BRD9: variants seen among roughly 807,000 people sequenced by gnomAD.
The protein encoded by BRD9 is bromodomain-containing protein 9.
BRD9 carries 47 observed loss-of-function variants against 68.7 expected under a neutral mutation model. The observed-to-expected ratio is 0.68, with a 90% CI of 0.54 to 0.87. The LOEUF (loss-of-function observed/expected upper bound fraction) is 0.87, where lower values mean the gene tolerates loss of function less well. BRD9 is among the 40% of genes least tolerant of loss of function. The probability of loss-of-function intolerance (pLI) is 0.00; values close to 1 mark genes in which losing one functional copy is unlikely to be tolerated. For missense variants in BRD9, 670 were observed against 748.4 expected (o/e 0.90, Z 1.22); for synonymous variants, 313 against 293.9 (o/e 1.06, Z -0.67).
chr5:865,569 T>C lies in BRD9; in HGVS notation c.1538A>G (p.Lys513Arg). 1 of 1,600,312 alleles carries C rather than the reference T, an allele frequency of 6.2e-7. No homozygotes were observed. Among genetic ancestry groups the C allele is most frequent in the Non-Finnish European group, 8.5e-7 (1 of 1,176,952 alleles). Reference sequence around the variant, plus strand: ...ATGGCTGTCGTCAGGGTCCAGCTCCTTCTTCACCTTCCCTGTGTAAACAGG... The same window carrying C: ...ATGGCTGTCGTCAGGGTCCAGCTCCCTCTTCACCTTCCCTGTGTAAACAGG... ...SMLSSLGKVK[K>R]ELDPDDSHLN... Residue 513 changes from lysine (K) to arginine (R), a missense_variant, in exon 15 of 16, where the codon AAG becomes AGG. Around this residue, in one of 5 missense-constraint regions of BRD9, gnomAD observed 280 missense variants for 281.5 expected, o/e 0.99. Transcript: ENST00000467963.
At position 883,614 on chromosome 5, in the gene BRD9, C is replaced by T. The variant is rs186311945; in HGVS notation, c.966+324G>A. On this transcript the variant is annotated intron_variant, in intron 8 of 15. Transcript: ENST00000467963. ...ACAAGGGCGGTGCCTCACGTCAACACCCAGTGACAGAGACACAGAAGTCAG... is the reference window on the plus strand; with the variant it reads ...ACAAGGGCGGTGCCTCACGTCAACATCCAGTGACAGAGACACAGAAGTCAG... 14 of 435,492 alleles carry T rather than the reference C, an allele frequency of 3.2e-5. No homozygotes were observed. In the East Asian group the frequency reaches 3.5e-4, roughly 11 times the overall value. The allele number at this position is 435,492 out of a possible 1,614,324, so 27.0% of individuals were successfully genotyped here. A position where few individuals can be genotyped will look rare whatever the true frequency, so the allele number is the denominator to read the frequency against.
At position 870,485 on chromosome 5, in the gene BRD9, G is replaced by A; in HGVS notation, c.1513C>T (p.Leu505Phe). The A allele has an allele frequency of 6.2e-7, 1 of 1,613,634 alleles. No individual in the cohort carries two copies. The highest frequency in any genetic ancestry group is 8.5e-7 in the Non-Finnish European group (1 of 1,179,518). ...YPDVSVDISM[L>F]SSLGKVKKEL... ...TGTTACAACTCACCCAGAGAGCTGAGCATGGAGATATCCACAGAAACGTCG... is the reference window on the plus strand; with the variant it reads ...TGTTACAACTCACCCAGAGAGCTGAACATGGAGATATCCACAGAAACGTCG... Residue 505 changes from leucine (L) to phenylalanine (F), a missense_variant, in exon 14 of 16, where the codon CTC (leucine) becomes TTC (phenylalanine). Leu to Phe is a conservative substitution (Grantham distance 22). Around this residue, in one of 5 missense-constraint regions of BRD9, gnomAD observed 280 missense variants for 281.5 expected, o/e 0.99. Transcript: ENST00000467963.
At position 863,888 on chromosome 5, in the gene BRD9, G is replaced by A. The variant is rs532232709; in HGVS notation, c.*580C>T. 2.0e-5 allele frequency: 3 copies of A among 152,556 alleles called. No homozygotes were observed. Among genetic ancestry groups the A allele is most frequent in the Non-Finnish European group, 4.4e-5 (3 of 68,274 alleles). 9.5% of individuals were successfully genotyped at this position (152,556 alleles called of 1,614,324 possible). ...CCCTGTGCTCCCCAATGGCCCCTGC[G>A]AGGCCCCTACCATGGCCTGCCTGGG... On this transcript the variant is annotated 3_prime_UTR_variant, in exon 16 of 16. Coordinates refer to ENST00000467963, the MANE Select transcript of BRD9 (RefSeq NM_023924.5).
chr5:875,523 A>AT (rs1274519626), intron 12 of BRD9, among the ~76,000 whole-genome samples: 2 of 151,666 alleles, frequency 1.3e-5, no homozygotes, highest in Non-Finnish European at 2.9e-5. Flanking sequence ...AATTTTTTCT[A>AT]TTTTTTAGTA....
At chr5:872,053 G>A (rs75645060) in intron 12 of BRD9, among the ~76,000 whole-genome samples, 5,229 of 152,242 alleles carry the variant, frequency 0.034, 130 homozygotes, top group Non-Finnish European at 0.049. Flanking sequence ...TGGGCCTGCC[G>A]TGGGCGCAGG....
chr5:883,235 G>A (rs1752058610), intron 8 of BRD9: 2 of 435,860 alleles, frequency 4.6e-6, no homozygotes, highest in South Asian at 1.6e-5. Flanking sequence ...TGTGCATTTT[G>A]AAGACTTAAT....
chr5:891,228 G>A lies in BRD9; in HGVS notation c.327C>T (p.Asp109=), dbSNP rs370844356. 16 of 1,551,750 alleles carry A rather than the reference G, an allele frequency of 1.0e-5. No homozygotes were observed. The African/African-American group carries it at 2.1e-4, about 20-fold the overall frequency. ...EHCDTEGEAD[D]FDPGKKVEVE... ...CCTCCACCTTCTTCCCAGGATCAAA[G>A]TCGTCAGCCTCTCCCTCCGTGTCAC... is the stretch of plus-strand genomic sequence containing the variant. The change falls in exon 3 of 16, where the codon GAC becomes GAT. Residue 109 remains aspartate (D), a synonymous_variant. Coordinates refer to ENST00000467963, the MANE Select transcript of BRD9 (RefSeq NM_023924.5).
At chr5:888,830 T>C (rs922551023) in intron 5 of BRD9, among the ~76,000 whole-genome samples, 191 bp downstream of exon 5, 3 of 152,230 alleles carry the variant, frequency 2.0e-5, no homozygotes, top group African/African-American at 7.2e-5. Context: ...ACCTAGTTTC[T>C]AGACCAAAGC....
intron 2 of BRD9, 28 bp from the exon 3 acceptor site, chr5:891,315 A>T (rs1018909584): frequency 1.0e-5 from 16 of 1,548,394 alleles, no homozygotes; most frequent in Admixed American, 2.0e-5. Flanking sequence ...GGGAGTGAGA[A>T]AGGCAGGAGT....
intron 3 of BRD9, among the ~76,000 whole-genome samples, chr5:890,566 C>T (rs773471874): frequency 6.6e-6 from 1 of 152,208 alleles, no homozygotes; most frequent in Non-Finnish European, 1.5e-5. Context: ...ATGGTGCCCA[C>T]GACAGAGATT....
chr5:883,424 C>G, intron 8 of BRD9: 1 of 456,986 alleles, frequency 2.2e-6, no homozygotes, highest in Non-Finnish European at 4.4e-6. Context: ...TCTGTTTCCA[C>G]TGAAGACACT....
At chr5:869,107 G>C (rs993580222) in intron 14 of BRD9, 1 of 304,076 alleles carries the variant, frequency 3.3e-6, no homozygotes, top group African/African-American at 2.3e-5. Flanking sequence ...ACTCACAGAA[G>C]TCAGGGAAAC....
rs774314322 is a variant in BRD9 at position 889,050 on chromosome 5, T to C, written c.577A>G (p.Asn193Asp). The change falls in exon 5 of 16, where the codon AAT (asparagine) becomes GAT (aspartate). Residue 193 changes from asparagine to aspartate, a missense_variant. Physicochemically the swap from Asn to Asp is conservative, Grantham distance 23 (BLOSUM62 1). Coordinates refer to ENST00000467963, the MANE Select transcript of BRD9 (RefSeq NM_023924.5). ...FGTMKDKIVA[N>D]EYKSVTEFKA... Reference sequence around the variant, plus strand: ...AATTCCGTAACTGACTTGTATTCATTAGCTACAATTTTGTCTTTCATGGTG... The same window carrying C: ...AATTCCGTAACTGACTTGTATTCATCAGCTACAATTTTGTCTTTCATGGTG... The C allele has an allele frequency of 1.1e-5, 18 of 1,609,704 alleles. No homozygotes were observed. The highest frequency in any genetic ancestry group is 4.2e-6 in the Non-Finnish European group (5 of 1,178,974).
chr5:868,509 C>T (rs1749680770), intron 14 of BRD9: 1 of 152,260 alleles, frequency 6.6e-6, no homozygotes. Context: ...TCTGGGGTCC[C>T]CCCCAGTGCT....
intron 14 of BRD9, chr5:866,140 AG>A (rs1749349194): frequency 6.6e-6 from 1 of 152,448 alleles, no homozygotes; most frequent in Admixed American, 6.5e-5. Flanking sequence ...CCCACCAGCC[AG>A]GGGACCAGCT....
rs780971767 is a variant in BRD9, at chr5:889,154, T to C, written c.473A>G (p.His158Arg). 6.2e-6 allele frequency: 10 copies of C among 1,608,832 alleles called. No individual in the cohort carries two copies. The East Asian group carries it at 6.7e-5, about 11-fold the overall frequency. The change falls in exon 5 of 16, where the codon CAT becomes CGT. Residue 158 changes from histidine (H) to arginine (R), a missense_variant. By Grantham distance (29) the His-to-Arg change is conservative. This residue lies in a region of BRD9 where 94 missense variants were observed against 157.2 expected (regional missense o/e 0.60). Transcript: ENST00000467963. ...CGTGACAGGAAAAGCAAAAAATCCA[T>C]GGGGATCTTTTCTGAAAGCAAAGAC... ...FLRQLQRKDP[H>R]GFFAFPVTDA... is the part of the protein sequence containing the mutation.
At chr5:887,086 C>T (rs1044462131) in intron 6 of BRD9, among the ~76,000 whole-genome samples, 5 of 152,212 alleles carry the variant, frequency 3.3e-5, no homozygotes, top group Admixed American at 6.5e-5. Flanking sequence ...AAAACAAGCC[C>T]GCAATGCTGG....
rs1396977080 is a variant in BRD9 at position 891,173 on chromosome 5, C to T, written c.382G>A (p.Ala128Thr). The T allele has an allele frequency of 6.4e-7, 1 of 1,551,484 alleles. No homozygotes were observed. The highest frequency in any genetic ancestry group is 8.7e-7 in the Non-Finnish European group (1 of 1,146,844). Reference sequence around the variant, plus strand: ...CCCTTGCCTGGCTGTGTCCGGCACGCTCGGACTGGCCGATCTGGGGGCGGC... The same window carrying T: ...CCCTTGCCTGGCTGTGTCCGGCACGTTCGGACTGGCCGATCTGGGGGCGGC... ...VEPPPDRPVR[A>T]CRTQPAENES... is the part of the protein sequence containing the mutation. Residue 128 changes from alanine to threonine, a missense_variant, in exon 3 of 16, where the codon GCG (alanine) becomes ACG (threonine). Physicochemically the swap from Ala to Thr is moderately conservative, Grantham distance 58. Transcript: ENST00000467963.
chr5:880,898 A>C (rs1251050878), intron 9 of BRD9, among the ~76,000 whole-genome samples: 2 of 152,172 alleles, frequency 1.3e-5, no homozygotes, highest in East Asian at 3.9e-4. Flanking sequence ...GCCCTGACCG[A>C]GGTCTGACCA....
Sources: allele counts gnomAD v4.1 joint callset (sites outside exome capture counted in the v4.1 genomes callset), GRCh38; gene constraint gnomAD v4.1.1; regional missense constraint gnomAD v4.1.1; transcripts MANE v1.5; gene names NCBI Gene and HGNC (gene_info 2026-07-23, HGNC 2026-07-21).